Variants in AP1G1 observed in about 807,000 individuals in gnomAD.
The protein encoded by AP1G1 is AP-1 complex subunit gamma-1.
A neutral mutation model predicts 108.3 loss-of-function variants in AP1G1; 7 were observed. That is an observed-to-expected ratio of 0.06 (90% confidence interval 0.04 to 0.12). The LOEUF (loss-of-function observed/expected upper bound fraction) is 0.12. Ranked by LOEUF, AP1G1 falls within the 10% of genes least tolerant of loss-of-function variation. The pLI is 1.00. For synonymous variants in AP1G1, 379 were observed against 353.5 expected (o/e 1.07, Z -0.81); for missense variants, 756 against 1,010.7 (o/e 0.75, Z 3.42).
chr16:71,774,268 C>T (rs987094653), intron 3 of AP1G1, 200 bp downstream of exon 3: 10 of 535,268 alleles, frequency 1.9e-5, no homozygotes, highest in Admixed American at 1.3e-4. Flanking sequence ...ATCCCAGCTA[C>T]GCAGGAGGCT....
At chr16:71,766,864 G>C (rs1355954530) in intron 6 of AP1G1, among the ~76,000 whole-genome samples, 2 of 152,154 alleles carry the variant, frequency 1.3e-5, no homozygotes, top group Non-Finnish European at 2.9e-5. Flanking sequence ...CTAAACAAAA[G>C]TCTACTTTGG....
At chr16:71,772,992 T>TA (rs1345420773) in intron 4 of AP1G1, 1 of 613,866 alleles carries the variant, frequency 1.6e-6, no homozygotes, top group African/African-American at 1.8e-5. Flanking sequence ...TCAGATAACT[T>TA]AGGAATTTGG....
chr16:71,795,506 C>T (rs752498010), intron 1 of AP1G1, among the ~76,000 whole-genome samples: 70 of 152,188 alleles, frequency 4.6e-4, no homozygotes, highest in Non-Finnish European at 9.0e-4. Context: ...CAAAACCCTC[C>T]AAAGAAGTTA....
intron 2 of AP1G1, among the ~76,000 whole-genome samples, chr16:71,786,805 G>A (rs2032220522): frequency 6.6e-6 from 1 of 152,136 alleles, no homozygotes; most frequent in East Asian, 1.9e-4. Context: ...GTGCACGCCT[G>A]TAATCTCAGT....
At chr16:71,791,699 T>C (rs2032406461) in intron 1 of AP1G1, among the ~76,000 whole-genome samples, 1 of 144,948 alleles carries the variant, frequency 6.9e-6, no homozygotes, top group South Asian at 2.2e-4. Flanking sequence ...AAAAGTTGTG[T>C]GTAATGGGTA....
At chr16:71,808,633 G>C in intron 1 of AP1G1, 130 bp downstream of exon 1, 1 of 1,289,750 alleles carries the variant, frequency 7.8e-7, no homozygotes. Flanking sequence ...CAGCTTCTCT[G>C]TCTTCTCTTC....
At chr16:71,756,722 A>T (rs1454590732) in intron 11 of AP1G1, among the ~76,000 whole-genome samples, 4 of 152,260 alleles carry the variant, frequency 2.6e-5, no homozygotes, top group Non-Finnish European at 5.9e-5. Flanking sequence ...CAGGCGAATC[A>T]CCTGAGGTCA....
intron 9 of AP1G1, among the ~76,000 whole-genome samples, chr16:71,762,435 A>C (rs553317647): frequency 7.9e-5 from 12 of 152,226 alleles, no homozygotes; most frequent in Non-Finnish European, 1.3e-4. Flanking sequence ...AGATAGCCTC[A>C]GAATGGAGAC....
intron 1 of AP1G1, among the ~76,000 whole-genome samples, chr16:71,804,974 G>A (rs1322197225): frequency 6.6e-6 from 1 of 152,122 alleles, no homozygotes; most frequent in Non-Finnish European, 1.5e-5. Context: ...TTGCACCACT[G>A]CACTCCAGCC....
chr16:71,777,875 G>C (rs908202509), intron 2 of AP1G1: 1 of 293,984 alleles, frequency 3.4e-6, no homozygotes, highest in African/African-American at 2.2e-5. Context: ...GGGTCCCAGG[G>C]CCAAGACAGA....
intron 1 of AP1G1, chr16:71,808,551 C>G: frequency 7.8e-7 from 1 of 1,288,040 alleles, no homozygotes; most frequent in Non-Finnish European, 1.0e-6. Flanking sequence ...CGCGGAACCT[C>G]CCGGTCCGAG....
chr16:71,769,351 A>C (rs2031477359), intron 6 of AP1G1, among the ~76,000 whole-genome samples: 2 of 152,194 alleles, frequency 1.3e-5, no homozygotes, highest in South Asian at 4.1e-4. Context: ...TCTTGACTCA[A>C]ATGTGAAAAC....
intron 11 of AP1G1, among the ~76,000 whole-genome samples, chr16:71,756,570 A>G (rs1046400860): frequency 2.0e-5 from 3 of 152,134 alleles, no homozygotes; most frequent in Non-Finnish European, 4.4e-5. Context: ...ACCATATTCT[A>G]CTTTTATTAC....
intron 2 of AP1G1, among the ~76,000 whole-genome samples, chr16:71,781,625 T>C (rs2032021318): frequency 6.6e-6 from 1 of 152,198 alleles, no homozygotes; most frequent in African/African-American, 2.4e-5. Context: ...TCCCGCTCTT[T>C]TCACTCAACA....
intron 13 of AP1G1, 138 bp from the exon 14 acceptor site, chr16:71,750,470 G>C (rs111671308): frequency 3.9e-6 from 4 of 1,017,320 alleles, no homozygotes; most frequent in Non-Finnish European, 5.6e-6. Context: ...GCTGGAGTGC[G>C]ATAGCGCGAT....
In AP1G1 at chr16:71,730,750, C is replaced by A. The variant is rs746427720; in HGVS notation, c.*2308G>T. On this transcript the variant is annotated 3_prime_UTR_variant, in exon 23 of 23. Transcript: ENST00000299980. ...TCTGATTCCAAAATCAATTCATATT[C>A]TACGCAGCACCCTTTGTGTTAAGGC... 2.6e-5 allele frequency: 4 copies of A among 152,608 alleles called. No individual in the cohort carries two copies. The highest frequency in any genetic ancestry group is 5.9e-5 in the Non-Finnish European group (4 of 68,028). The allele number at this position is 152,608 out of a possible 1,614,324, so 9.5% of individuals were successfully genotyped here.
rs1274060436 is a variant in AP1G1 at position 71,773,209 on chromosome 16, A to G, written c.468+12T>C. On this transcript the variant is annotated intron_variant, in intron 4 of 22. Coordinates refer to ENST00000299980, the MANE Select transcript of AP1G1 (RefSeq NM_001128.6). ...CCTAATCCAAACAGACATTTGGTTCATTAAAAGTTACCTTTTTTCTTAAGT... is the reference window on the plus strand; with the variant it reads ...CCTAATCCAAACAGACATTTGGTTCGTTAAAAGTTACCTTTTTTCTTAAGT... The G allele has an allele frequency of 6.2e-7, 1 of 1,612,416 alleles. No individual in the cohort carries two copies. Among genetic ancestry groups the G allele is most frequent in the Non-Finnish European group, 8.5e-7 (1 of 1,179,890 alleles).
chr16:71,748,257 G>C lies in AP1G1; in HGVS notation c.1619C>G (p.Thr540Ser). The C allele has an allele frequency of 6.2e-7, 1 of 1,613,718 alleles. No individual in the cohort carries two copies. Among genetic ancestry groups the C allele is most frequent in the Non-Finnish European group, 8.5e-7 (1 of 1,179,914 alleles). The change falls in exon 16 of 23, where the codon ACT becomes AGT. Residue 540 changes from threonine to serine, a missense_variant. By Grantham distance (58) the Thr-to-Ser change is moderately conservative. Coordinates refer to ENST00000299980, the MANE Select transcript of AP1G1 (RefSeq NM_001128.6). ...ATGTTTCTTCAATACTCACTTTACA[G>C]TACAAGTGAATCGAGTGGAAAGCTT... is the stretch of plus-strand genomic sequence containing the variant. The part of the protein sequence containing the change: ...IMKLSTRFTC[T>S]VNRIKKVVSI...
Position 71,758,797 on chromosome 16 carries a change from C to T in AP1G1, c.1088+11G>A. 1 of 1,527,924 alleles carries T rather than the reference C, an allele frequency of 6.5e-7. No individual in the cohort carries two copies. The allele number at this position is 1,527,924 out of a possible 1,614,324, so 94.6% of individuals were successfully genotyped here. On this transcript the variant is annotated intron_variant, in intron 11 of 22. Coordinates refer to ENST00000299980, the MANE Select transcript of AP1G1 (RefSeq NM_001128.6). ...AAAACACTAGACTGAGAAAGGCTCT[C>T]AGTTTGTTACCGTTTTATTGAGACA... is the stretch of plus-strand genomic sequence containing the variant.
Sources: gnomAD v4.1 joint callset for allele counts (sites outside exome capture counted in the v4.1 genomes callset) on GRCh38, gnomAD v4.1.1 for gene constraint, MANE v1.5 for transcripts, NCBI Gene and HGNC (gene_info 2026-07-23, HGNC 2026-07-21) for gene names.